Variants in CFAP43 observed in about 807,000 individuals in gnomAD.
CFAP43 encodes cilia and flagella associated protein 43.
In CFAP43, 155 loss-of-function variants were observed where a neutral mutation model predicts 218.9. That is an observed-to-expected ratio of 0.71 (90% CI 0.62 to 0.81). CFAP43 has a LOEUF of 0.81. Among genes scored for constraint, CFAP43 ranks in the 30% least tolerant of loss-of-function variants. The pLI is 0.00. For missense variants in CFAP43, 1,778 were observed against 1,954.3 expected (o/e 0.91, Z 1.70); for synonymous variants, 645 against 681.3 (o/e 0.95, Z 0.83).
chr10:104,185,289 T>C lies in CFAP43; in HGVS notation c.2011-143A>G, dbSNP rs925579316. The C allele has an allele frequency of 1.1e-5, 11 of 1,038,680 alleles. No homozygotes were observed. In the African/African-American group the frequency reaches 1.1e-4, roughly 11 times the overall value. The allele number at this position is 1,038,680 out of a possible 1,614,324, so 64.3% of individuals were successfully genotyped here. On this transcript the variant is annotated intron_variant, in intron 15 of 37. Coordinates refer to ENST00000357060, the MANE Select transcript of CFAP43 (RefSeq NM_025145.7). ...TTTTAATTGGTATGGAAGTAGGCAATTGGCAATACATAGTATTTAAAATCC... is the reference window on the plus strand; with the variant it reads ...TTTTAATTGGTATGGAAGTAGGCAACTGGCAATACATAGTATTTAAAATCC...
At chr10:104,228,225 TGATAC>T (rs2091355737) in intron 2 of CFAP43, among the ~76,000 whole-genome samples, 1 of 152,234 alleles carries the variant, frequency 6.6e-6, no homozygotes, top group African/African-American at 2.4e-5. Flanking sequence ...GTATCTAACT[TGATAC>T]TTTTGTTAAA....
intron 11 of CFAP43, chr10:104,193,046 G>A (rs1254733566): frequency 2.6e-5 from 4 of 152,166 alleles, no homozygotes; most frequent in Non-Finnish European, 4.4e-5. Flanking sequence ...ATCTCAAGCT[G>A]TAAAGCAGAA....
intron 10 of CFAP43, among the ~76,000 whole-genome samples, chr10:104,195,643 A>T (rs1380446706): frequency 1.3e-5 from 2 of 152,214 alleles, no homozygotes; most frequent in Admixed American, 1.3e-4. Flanking sequence ...CCTAATACCA[A>T]GATCCATTTC....
chr10:104,171,575 A>G (rs1449880823), intron 20 of CFAP43, among the ~76,000 whole-genome samples: 1 of 152,242 alleles, frequency 6.6e-6, no homozygotes, highest in Non-Finnish European at 1.5e-5. Flanking sequence ...CCTTGAATCC[A>G]GCTATCTTGC....
chr10:104,231,784 A>G (rs565635888), intron 1 of CFAP43, among the ~76,000 whole-genome samples: 9 of 152,312 alleles, frequency 5.9e-5, no homozygotes, highest in African/African-American at 1.2e-4. Context: ...CTTTGGGGAA[A>G]ATCACCAAAG....
At chr10:104,148,095 C>A in intron 28 of CFAP43, 97 bp from the exon 29 acceptor site, 1 of 540,088 alleles carries the variant, frequency 1.9e-6, no homozygotes, top group South Asian at 6.1e-5. Context: ...TTATGACATA[C>A]ACATAAACTT....
intron 20 of CFAP43, among the ~76,000 whole-genome samples, chr10:104,172,145 T>C (rs1589698154): frequency 6.6e-6 from 1 of 152,194 alleles, no homozygotes; most frequent in Non-Finnish European, 1.5e-5. Context: ...CTTCCAACAA[T>C]GTTCAAACGT....
At chr10:104,150,203 T>A (rs2088183644) in intron 28 of CFAP43, among the ~76,000 whole-genome samples, 4 of 152,198 alleles carry the variant, frequency 2.6e-5, no homozygotes, top group Admixed American at 6.5e-5. Flanking sequence ...AATATTTAGA[T>A]TGTTTCCACC....
chr10:104,132,260 GGTT>G (rs1294636784), intron 35 of CFAP43, 64 bp from the exon 36 acceptor site: 2 of 1,186,210 alleles, frequency 1.7e-6, no homozygotes, highest in African/African-American at 3.1e-5. Context: ...ACTTTATAAA[GGTT>G]GTTTTAGCTT....
Position 104,179,913 on chromosome 10 carries a change from T to A in CFAP43, c.2309A>T (p.Asp770Val), listed in dbSNP as rs1484535680. 1.2e-6 allele frequency: 2 copies of A among 1,613,750 alleles called. No individual in the cohort carries two copies. The highest frequency in any genetic ancestry group is 2.2e-5 in the East Asian group (1 of 44,864). The change falls in exon 18 of 38, where the codon GAC becomes GTC. Residue 770 changes from aspartate (D) to valine (V), a missense_variant. Physicochemically the swap from Asp to Val is radical, Grantham distance 152. Transcript: ENST00000357060. ...SEHTKQKAST[D>V]LSQDELVLTD... ...TAGAACTAATTCATCTTGTGATAAG[T>A]CAGTGCTTGCCTTCTGTTTCTGATA...
chr10:104,143,484 G>A lies in CFAP43; in HGVS notation c.4100C>T (p.Pro1367Leu), dbSNP rs2087803737. The A allele has an allele frequency of 6.2e-7, 1 of 1,614,044 alleles. No individual in the cohort carries two copies. Among genetic ancestry groups the A allele is most frequent in the African/African-American group, 1.3e-5 (1 of 74,912 alleles). Residue 1367 changes from proline (P) to leucine (L), a missense_variant, in exon 32 of 38, where the codon CCT becomes CTT. By Grantham distance (98) the Pro-to-Leu change is moderately conservative. Transcript: ENST00000357060. Reference sequence around the variant, plus strand: ...CATGCAGAAATGATTCCAGACCAAAGGGTCCAAGCCTTCTGGCATGTTACT... The same window carrying A: ...CATGCAGAAATGATTCCAGACCAAAAGGTCCAAGCCTTCTGGCATGTTACT... ...NISNMPEGLD[P>L]LVWNHFCMTR...
Position 104,161,123 on chromosome 10 carries a change from C to T in CFAP43, c.3454G>A (p.Val1152Met). Reference protein sequence around the residue: ...QPAFMAKPDAVWTEEERKQFK... With the variant: ...QPAFMAKPDAMWTEEERKQFK... Reference sequence around the variant, plus strand: ...TGTTTTCTTTCTTCTTCAGTCCACACAGCATCAGGTTTTGCCATGAAAGCA... The same window carrying T: ...TGTTTTCTTTCTTCTTCAGTCCACATAGCATCAGGTTTTGCCATGAAAGCA... Residue 1152 changes from valine (V) to methionine (M), a missense_variant, in exon 27 of 38, where the codon GTG becomes ATG. Physicochemically the swap from Val to Met is conservative, Grantham distance 21 (BLOSUM62 1). Around this residue, in one of 3 missense-constraint regions of CFAP43, gnomAD observed 1,553 missense variants for 1,685.2 expected, o/e 0.92. Transcript: ENST00000357060. 2.5e-6 allele frequency: 4 copies of T among 1,613,752 alleles called. No homozygotes were observed. Among genetic ancestry groups the T allele is most frequent in the Non-Finnish European group, 3.4e-6 (4 of 1,179,842 alleles).
intron 10 of CFAP43, 124 bp from the exon 11 acceptor site, chr10:104,194,138 G>T: frequency 8.7e-7 from 1 of 1,153,748 alleles, no homozygotes; most frequent in Non-Finnish European, 1.2e-6. Context: ...TTGTGTGGTG[G>T]GGTCTTTCAA....
At chr10:104,196,203 A>G (rs1398942330) in intron 10 of CFAP43, among the ~76,000 whole-genome samples, 1 of 152,192 alleles carries the variant, frequency 6.6e-6, no homozygotes, top group African/African-American at 2.4e-5. Context: ...GGTCCTTGGT[A>G]TATCATTTAA....
At chr10:104,211,660 G>T (rs554072769) in intron 5 of CFAP43, among the ~76,000 whole-genome samples, 1 of 152,236 alleles carries the variant, frequency 6.6e-6, no homozygotes, top group Admixed American at 6.5e-5. Context: ...CTGTGAGAAT[G>T]ACACTGACAG....
At chr10:104,198,998 T>C (rs936118369) in intron 8 of CFAP43, among the ~76,000 whole-genome samples, 1 of 152,200 alleles carries the variant, frequency 6.6e-6, no homozygotes, top group South Asian at 2.1e-4. Context: ...AAACATTTTT[T>C]CCTGTTTCAA....
intron 2 of CFAP43, among the ~76,000 whole-genome samples, chr10:104,227,958 A>G (rs895993006): frequency 2.1e-5 from 3 of 143,342 alleles, no homozygotes; most frequent in Non-Finnish European, 4.5e-5. Context: ...GCGATTCTGC[A>G]TCAGCCTCCT....
At chr10:104,147,018 C>A (rs2088009560) in intron 29 of CFAP43, among the ~76,000 whole-genome samples, 1 of 152,074 alleles carries the variant, frequency 6.6e-6, no homozygotes, top group Non-Finnish European at 1.5e-5. Context: ...GCCTTTGAGT[C>A]TGCCAAAAGT....
intron 36 of CFAP43, among the ~76,000 whole-genome samples, chr10:104,131,889 AGAT>A (rs1481294693): frequency 1.2e-4 from 19 of 152,200 alleles, no homozygotes; most frequent in Non-Finnish European, 7.3e-5. Flanking sequence ...ACTTACACTC[AGAT>A]ATGTCCCCAG....
Sources: gnomAD v4.1 joint callset for allele counts (sites outside exome capture counted in the v4.1 genomes callset) on GRCh38, gnomAD v4.1.1 for gene constraint, gnomAD v4.1.1 regional missense constraint, MANE v1.5 for transcripts, NCBI Gene and HGNC (gene_info 2026-07-23, HGNC 2026-07-21) for gene names.